Variants in KCNIP4 observed in about 807,000 individuals in gnomAD.
KCNIP4 encodes potassium voltage-gated channel interacting protein 4.
A neutral mutation model predicts 34.0 loss-of-function variants in KCNIP4; 12 were observed. The ratio of observed to expected loss-of-function variants is 0.35; its 90% CI spans 0.23 to 0.57. The LOEUF (loss-of-function observed/expected upper bound fraction) is 0.57. Ranked by LOEUF, KCNIP4 falls within the 20% of genes least tolerant of loss-of-function variation. The pLI, the probability that KCNIP4 is intolerant of heterozygous loss-of-function variation, is 0.83. For missense variants in KCNIP4, 238 were observed against 311.7 expected (o/e 0.76, Z 1.78); for synonymous variants, 124 against 102.2 (o/e 1.21, Z -1.29).
At chr4:21,446,846 G>T (rs947016948) in intron 1 of KCNIP4, among the ~76,000 whole-genome samples, 2 of 151,904 alleles carry the variant, frequency 1.3e-5, no homozygotes, top group Non-Finnish European at 2.9e-5. Flanking sequence ...TATGTTATTG[G>T]GTATATTAAT....
intron 1 of KCNIP4, among the ~76,000 whole-genome samples, chr4:21,507,526 G>T (rs1296500938): frequency 3.3e-5 from 5 of 152,102 alleles, no homozygotes; most frequent in African/African-American, 1.2e-4. Flanking sequence ...CAAAGTGCTA[G>T]AATTACAGGC....
intron 1 of KCNIP4, among the ~76,000 whole-genome samples, chr4:21,936,910 T>C (rs1449718869): frequency 6.6e-6 from 1 of 152,028 alleles, no homozygotes; most frequent in Non-Finnish European, 1.5e-5. Flanking sequence ...GTATAACACG[T>C]TTCCCTGGTT....
chr4:20,877,284 G>A (rs781095846), intron 2 of KCNIP4, among the ~76,000 whole-genome samples: 14 of 152,100 alleles, frequency 9.2e-5, no homozygotes, highest in East Asian at 1.9e-4. Flanking sequence ...CCTAGAAATC[G>A]TAACTTTCGT....
chr4:21,576,142 G>T (rs559248078), intron 1 of KCNIP4, among the ~76,000 whole-genome samples: 1 of 152,174 alleles, frequency 6.6e-6, no homozygotes, highest in Non-Finnish European at 1.5e-5. Flanking sequence ...GAGTCAATAA[G>T]TAAATGCTGC....
chr4:21,467,073 AACACACACACACACACACACAC>A (rs33937973), intron 1 of KCNIP4, among the ~76,000 whole-genome samples: 3 of 139,758 alleles, frequency 2.1e-5, no homozygotes, highest in Non-Finnish European at 3.1e-5. Flanking sequence ...AACCAAAACA[AACACACACACACACACACACAC>A]ACACACACAC....
At chr4:21,427,124 TAAC>T (rs200979378) in intron 1 of KCNIP4, among the ~76,000 whole-genome samples, 2,049 of 152,180 alleles carry the variant, frequency 0.013, 50 homozygotes, top group African/African-American at 0.047. Flanking sequence ...GTAGGAACCT[TAAC>T]AAGAAAAGTG....
chr4:21,033,931 T>C (rs1417988899), intron 1 of KCNIP4, among the ~76,000 whole-genome samples: 1 of 152,214 alleles, frequency 6.6e-6, no homozygotes, highest in Non-Finnish European at 1.5e-5. Flanking sequence ...GCATATGGTC[T>C]CTCTGGCAAA....
chr4:20,984,355 T>C (rs1399861820), intron 1 of KCNIP4, among the ~76,000 whole-genome samples: 2 of 152,334 alleles, frequency 1.3e-5, no homozygotes, highest in African/African-American at 4.8e-5. Context: ...TGGGCAGATC[T>C]GTCTGCGCGC....
At chr4:20,883,824 G>T (rs902466434) in intron 1 of KCNIP4, among the ~76,000 whole-genome samples, 11 of 152,158 alleles carry the variant, frequency 7.2e-5, no homozygotes, top group Admixed American at 3.3e-4. Context: ...TGTAGAGTAG[G>T]ATGACAAAAT....
chr4:20,967,146 T>C (rs1041250865), intron 1 of KCNIP4, among the ~76,000 whole-genome samples: 6 of 152,176 alleles, frequency 3.9e-5, no homozygotes, highest in Non-Finnish European at 1.5e-5. Context: ...TTAGGGAAGT[T>C]TGAATGAGCT....
At chr4:21,822,425 A>G (rs1722410156) in intron 1 of KCNIP4, among the ~76,000 whole-genome samples, 1 of 152,158 alleles carries the variant, frequency 6.6e-6, no homozygotes, top group Non-Finnish European at 1.5e-5. Context: ...ATATAACCAC[A>G]GGGTACTAAT....
intron 1 of KCNIP4, among the ~76,000 whole-genome samples, chr4:21,179,771 A>G (rs1439401461): frequency 6.6e-6 from 1 of 152,212 alleles, no homozygotes. Context: ...TTTCTATAAT[A>G]GGTGAGAAAA....
intron 1 of KCNIP4, among the ~76,000 whole-genome samples, chr4:20,963,343 A>T (rs1291201064): frequency 6.6e-6 from 1 of 151,714 alleles, no homozygotes; most frequent in Non-Finnish European, 1.5e-5. Flanking sequence ...CAAAAAAAAA[A>T]ACAACAAAAA....
intron 3 of KCNIP4, among the ~76,000 whole-genome samples, chr4:20,849,308 G>T (rs1720749330): frequency 6.6e-6 from 1 of 152,040 alleles, no homozygotes; most frequent in East Asian, 1.9e-4. Flanking sequence ...GAAAAACTTA[G>T]AAAGCCCAGG....
chr4:21,095,839 C>T (rs1038167053), intron 1 of KCNIP4, among the ~76,000 whole-genome samples: 6 of 152,100 alleles, frequency 3.9e-5, no homozygotes, highest in Admixed American at 6.6e-5. Context: ...GTTCTGTACA[C>T]GTTCACATCT....
chr4:21,480,795 T>C (rs1731355006), intron 1 of KCNIP4, among the ~76,000 whole-genome samples: 1 of 152,052 alleles, frequency 6.6e-6, no homozygotes, highest in Non-Finnish European at 1.5e-5. Flanking sequence ...TAAATGAAAA[T>C]ACATAAATAT....
Position 20,882,592 on chromosome 4 carries a change from A to C in KCNIP4, c.163+16T>G, listed in dbSNP as rs750023014. On this transcript the variant is annotated intron_variant, in intron 2 of 8. Coordinates refer to ENST00000382152, the MANE Select transcript of KCNIP4 (RefSeq NM_025221.6). ...AGAGTTTCGGAGGAAAAAAAAAAACAAAAAAACAAACTTGCTTTGAATAGC... is the reference window on the plus strand; with the variant it reads ...AGAGTTTCGGAGGAAAAAAAAAAACCAAAAAACAAACTTGCTTTGAATAGC... 4.4e-6 allele frequency: 7 copies of C among 1,597,484 alleles called. No individual in the cohort carries two copies. The East Asian group carries it at 1.3e-4, about 31-fold the overall frequency.
intron 1 of KCNIP4, among the ~76,000 whole-genome samples, chr4:21,658,067 T>C (rs1021802489): frequency 2.6e-5 from 4 of 152,156 alleles, no homozygotes; most frequent in African/African-American, 9.7e-5. Context: ...CTCAATCTCC[T>C]GACCTTGTGA....
chr4:21,591,631 T>C (rs1005580261), intron 1 of KCNIP4, among the ~76,000 whole-genome samples: 2 of 152,080 alleles, frequency 1.3e-5, no homozygotes, highest in African/African-American at 2.4e-5. Flanking sequence ...TTGAATCAAT[T>C]ATAATATCTT....
Sources: allele counts gnomAD v4.1 joint callset (sites outside exome capture counted in the v4.1 genomes callset), GRCh38; gene constraint gnomAD v4.1.1; transcripts MANE v1.5; gene names NCBI Gene and HGNC (gene_info 2026-07-23, HGNC 2026-07-21).